CRB2: variants seen among roughly 807,000 people sequenced by gnomAD.
CRB2 encodes the protein crumbs cell polarity complex component 2.
Under a neutral mutation model 110.9 loss-of-function variants are expected in CRB2, and 85 were observed. The ratio of observed to expected loss-of-function variants is 0.77; its 90% CI spans 0.64 to 0.92. The LOEUF (loss-of-function observed/expected upper bound fraction) is 0.92, where lower values mean the gene tolerates loss of function less well. Among genes scored for constraint, CRB2 ranks in the 40% least tolerant of loss-of-function variants. The pLI, the probability that CRB2 is intolerant of heterozygous loss-of-function variation, is 0.00. For missense variants in CRB2, 1,843 were observed against 1,851.3 expected, an observed-to-expected ratio of 1.00 and a Z score of 0.08; for synonymous variants, 907 against 831.0, an observed-to-expected ratio of 1.09 and a Z score of -1.57.
chr9:123,368,246 CT>C (rs2041965014), intron 6 of CRB2, among the ~76,000 whole-genome samples: 1 of 152,156 alleles, frequency 6.6e-6, no homozygotes, highest in Non-Finnish European at 1.5e-5. Context: ...CCTCCTCCCC[CT>C]GGCAGGCTCC....
In CRB2 at chr9:123,371,416, C is replaced by G. The variant is rs747844515; in HGVS notation, c.2274C>G (p.Pro758=). 3 of 1,611,692 alleles carry G rather than the reference C, an allele frequency of 1.9e-6. No homozygotes were observed. The highest frequency in any genetic ancestry group is 1.7e-4 in the Middle Eastern group (1 of 6,058). ...GGCTCCTTGCTGCCGACAGCCAGCC[C>G]TGGGGTGGGCCCTTCCGAGGCTGCC... The part of the protein sequence containing the change: ...GGRLLAADSQ[P]WGGPFRGCLQ... The change falls in exon 8 of 13, where the codon CCC becomes CCG. Residue 758 remains proline, a synonymous_variant. Coordinates refer to ENST00000373631, the MANE Select transcript of CRB2 (RefSeq NM_173689.7).
intron 1 of CRB2, among the ~76,000 whole-genome samples, chr9:123,359,449 T>TTTTTTTTTTTTTTTTTTTTTTTTTTG (rs2041841232): frequency 7.6e-6 from 1 of 132,084 alleles, no homozygotes. Context: ...TTGTTTTTTT[T>TTTTTTTTTTTTTTTTTTTTTTTTTTG]TTTTTTTTTT....
rs759002273 is a variant in CRB2 at position 123,370,653 on chromosome 9, C to T, written c.1600C>T (p.Arg534Trp). Residue 534 changes from arginine (R) to tryptophan (W), a missense_variant, in exon 7 of 13, where the codon CGG becomes TGG. By Grantham distance (101) the Arg-to-Trp change is moderately radical (BLOSUM62 -3). Transcript: ENST00000373631. ...GCTCCATCTAGCGACCCTGGAGCTA[C>T]GGCTCTGGCATGAGGGCTGCCCTGC... ...VVLHLATLEL[R>W]LWHEGCPARL... 2.8e-5 allele frequency: 45 copies of T among 1,608,242 alleles called. No homozygotes were observed. The highest frequency in any genetic ancestry group is 4.5e-5 in the East Asian group (2 of 44,886).
intron 2 of CRB2, among the ~76,000 whole-genome samples, chr9:123,365,586 C>A (rs2041919408): frequency 6.6e-6 from 1 of 152,228 alleles, no homozygotes; most frequent in Non-Finnish European, 1.5e-5. Flanking sequence ...ACAGAGCAGA[C>A]CCCGGCTATT....
intron 1 of CRB2, among the ~76,000 whole-genome samples, chr9:123,361,066 G>A (rs553231495): frequency 1.9e-4 from 29 of 151,962 alleles, no homozygotes; most frequent in African/African-American, 3.9e-4. Flanking sequence ...TCCTTTCCCC[G>A]GTGCTGCCTC....
At position 123,377,738 on chromosome 9, in the gene CRB2, C is replaced by G. The variant is rs1324671856; in HGVS notation, c.*676C>G. 6.6e-6 allele frequency: 1 copy of G among 152,252 alleles called. No homozygotes were observed. The highest frequency in any genetic ancestry group is 1.9e-4 in the East Asian group (1 of 5,190). The allele number at this position is 152,252 out of a possible 1,614,324, so 9.4% of individuals were successfully genotyped here. A position where few individuals can be genotyped will look rare whatever the true frequency, so the allele number is the denominator to read the frequency against. ...TCAGGCAGGTCTGTCTGCCAGAAGC[C>G]AGAGCCAGTCATGCGAGGGAACCAC... On this transcript the variant is annotated 3_prime_UTR_variant, in exon 13 of 13. Coordinates refer to ENST00000373631, the MANE Select transcript of CRB2 (RefSeq NM_173689.7).
chr9:123,361,135 GGA>G lies in CRB2; in HGVS notation c.95-1728_95-1727del, dbSNP rs1554781922. ...GCAAAGCTTCAGATTGGATGGGCGG[GGA>G]GGGGGGGGGGTTCCTTGCACTGCAC... is the stretch of plus-strand genomic sequence containing the variant. On this transcript the variant is annotated intron_variant, in intron 1 of 12. Coordinates refer to ENST00000373631, the MANE Select transcript of CRB2 (RefSeq NM_173689.7). Among the ~76,000 whole-genome samples the G allele has an allele frequency of 3.9e-3, 266 of 67,656 alleles. 11 individuals are homozygous for G. The highest frequency in any genetic ancestry group is 7.1e-3 in the African/African-American group (231 of 32,374). 44.4% of individuals were successfully genotyped at this position (67,656 alleles called of 152,430 possible). A position where few individuals can be genotyped will look rare whatever the true frequency, so the allele number is the denominator to read the frequency against.
chr9:123,364,322 G>A (rs939099380), intron 2 of CRB2, among the ~76,000 whole-genome samples: 3 of 151,962 alleles, frequency 2.0e-5, no homozygotes, highest in African/African-American at 4.8e-5. Context: ...GGTTGTTCGG[G>A]CAGTGGGTTG....
chr9:123,359,441 G>GTTTTTTTTTTTTTTTTTT (rs375773781), intron 1 of CRB2, among the ~76,000 whole-genome samples: 21 of 94,420 alleles, frequency 2.2e-4, no homozygotes, highest in South Asian at 3.7e-4. Context: ...TTTTTGTTTT[G>GTTTTTTTTTTTTTTTTTT]TTTTTTTTTT....
chr9:123,358,046 C>T (rs373852804), intron 1 of CRB2, among the ~76,000 whole-genome samples: 37 of 152,216 alleles, frequency 2.4e-4, no homozygotes, highest in Non-Finnish European at 5.0e-4. Flanking sequence ...GTGCTGGGAG[C>T]GCCATCCCTG....
chr9:123,370,802 G>A lies in CRB2; in HGVS notation c.1749G>A (p.Val583=), dbSNP rs139117107. ...CCTTTGCAGGCTGCCTCCAGGACGT[G>A]CGTGTGGATGGCCACCTCCTGCTGC... ...DATFAGCLQD[V]RVDGHLLLPE... The change falls in exon 7 of 13, where the codon GTG becomes GTA. Residue 583 remains valine, a synonymous_variant. Transcript: ENST00000373631. 3 of 1,603,688 alleles carry A rather than the reference G, an allele frequency of 1.9e-6. No homozygotes were observed. The highest frequency in any genetic ancestry group is 2.7e-5 in the African/African-American group (2 of 74,924).
chr9:123,370,045 C>G, intron 6 of CRB2, 63 bp from the exon 7 acceptor site: 3 of 1,514,024 alleles, frequency 2.0e-6, no homozygotes, highest in Non-Finnish European at 2.7e-6. Context: ...CATGTAAGTT[C>G]TGGGTCAGTA....
At chr9:123,363,383 G>A (rs527881574) in intron 2 of CRB2, among the ~76,000 whole-genome samples, 195 bp downstream of exon 2, 2 of 152,330 alleles carry the variant, frequency 1.3e-5, no homozygotes, top group East Asian at 1.9e-4. Context: ...ATGTATGTGC[G>A]GGTGCTGGCG....
intron 9 of CRB2, among the ~76,000 whole-genome samples, chr9:123,372,709 C>G (rs1287074341): frequency 1.3e-5 from 2 of 152,210 alleles, no homozygotes; most frequent in African/African-American, 4.8e-5. Flanking sequence ...ATCCCAAGGA[C>G]AGTGGGGAGC....
intron 9 of CRB2, 30 bp downstream of exon 9, chr9:123,372,372 C>A (rs1424533521): frequency 6.4e-7 from 1 of 1,563,268 alleles, no homozygotes. Flanking sequence ...AGCTCCCGTG[C>A]TGGGTGCTGG....
At chr9:123,374,884 G>T (rs1034682223) in intron 11 of CRB2, among the ~76,000 whole-genome samples, 189 bp downstream of exon 11, 7 of 152,270 alleles carry the variant, frequency 4.6e-5, no homozygotes, top group Non-Finnish European at 8.8e-5. Context: ...CTGCTGGGCA[G>T]TGGTTGCCTG....
chr9:123,366,214 G>A lies in CRB2; in HGVS notation c.615-13G>A, dbSNP rs770078795. The A allele has an allele frequency of 1.1e-5, 15 of 1,421,506 alleles. No individual in the cohort carries two copies. The highest frequency in any genetic ancestry group is 1.5e-5 in the African/African-American group (1 of 66,502). 88.1% of individuals were successfully genotyped at this position (1,421,506 alleles called of 1,614,324 possible). On this transcript the variant is annotated splice_polypyrimidine_tract_variant and intron_variant, in intron 3 of 12. Coordinates refer to ENST00000373631, the MANE Select transcript of CRB2 (RefSeq NM_173689.7). ...CAGGCGCGCGCTCAGCTCCGCCGGT[G>A]CGCCCTCCCCAGGTTCCGGTGCGAC... is the stretch of plus-strand genomic sequence containing the variant.
chr9:123,371,037 A>C (rs2042007946), intron 7 of CRB2, 33 bp from the exon 8 acceptor site: 1 of 1,600,060 alleles, frequency 6.2e-7, no homozygotes, highest in Admixed American at 1.7e-5. Flanking sequence ...CTCAGCCTGC[A>C]GGCCTCACAC....
intron 11 of CRB2, 103 bp downstream of exon 11, chr9:123,374,798 C>G (rs1169016073): frequency 1.4e-6 from 1 of 727,242 alleles, no homozygotes; most frequent in East Asian, 2.7e-5. Flanking sequence ...TCTCACCCCT[C>G]CCTGGTATCA....
Sources: gnomAD v4.1 joint callset for allele counts (sites outside exome capture counted in the v4.1 genomes callset) on GRCh38, gnomAD v4.1.1 for gene constraint, MANE v1.5 for transcripts, NCBI Gene and HGNC (gene_info 2026-07-23, HGNC 2026-07-21) for gene names.